Variants in MYO1H observed in about 807,000 individuals in gnomAD.
MYO1H encodes the protein myosin IH, also known as unconventional myosin-Ih.
A neutral mutation model predicts 149.3 loss-of-function variants in MYO1H; 118 were observed. The observed-to-expected ratio is 0.79, with a 90% CI of 0.68 to 0.92. The LOEUF is 0.92. MYO1H is among the 40% of genes least tolerant of loss of function. The probability of loss-of-function intolerance (pLI) is 0.00; values close to 1 mark genes in which losing one functional copy is unlikely to be tolerated. For missense variants in MYO1H, 1,212 were observed against 1,280.7 expected, an observed-to-expected ratio of 0.95 and a Z score of 0.82; for synonymous variants, 447 against 465.2, an observed-to-expected ratio of 0.96 and a Z score of 0.50.
chr12:109,396,319 G>A lies in MYO1H; in HGVS notation c.291-65G>A. 6 of 1,359,574 alleles carry A rather than the reference G, an allele frequency of 4.4e-6. No homozygotes were observed. The East Asian group carries it at 7.1e-5, about 16-fold the overall frequency. The allele number at this position is 1,359,574 out of a possible 1,614,324, so 84.2% of individuals were successfully genotyped here. On this transcript the variant is annotated intron_variant, in intron 3 of 31. Transcript: ENST00000310903. The stretch of plus-strand genomic sequence containing the variant: ...TGGAGCACCTCATTTTTCTTCTTTG[G>A]TGGGTGTCAGAGTCAAGGGAAGTAC...
chr12:109,337,208 G>GT, the MYO1H span, among the ~76,000 whole-genome samples: 3 of 152,066 alleles, frequency 2.0e-5, no homozygotes, highest in African/African-American at 2.4e-5. Context: ...TTCCAGAGAG[G>GT]TTTTTTTCCC....
At chr12:109,401,162 G>A in exon 6 of MYO1H, 1 of 1,613,906 alleles carries the variant, frequency 6.2e-7, no homozygotes, top group South Asian at 1.1e-5. Context: ...CCAAAACGAA[G>A]GCGAGCGGAA....
At chr12:109,376,861 T>C (rs1459752904) in intron 1 of MYO1H, among the ~76,000 whole-genome samples, 1 of 152,260 alleles carries the variant, frequency 6.6e-6, no homozygotes, top group African/African-American at 2.4e-5. Context: ...ATTGTGATAG[T>C]ATTGAATCTA....
Position 109,411,846 on chromosome 12 carries a change from T to C in MYO1H, c.1411-48T>C, listed in dbSNP as rs1427247070. The C allele has an allele frequency of 3.7e-6, 5 of 1,360,568 alleles. No individual in the cohort carries two copies. The South Asian group carries it at 5.1e-5, about 14-fold the overall frequency. 84.3% of individuals were successfully genotyped at this position (1,360,568 alleles called of 1,614,324 possible). A position where few individuals can be genotyped will look rare whatever the true frequency, so the allele number is the denominator to read the frequency against. The stretch of plus-strand genomic sequence containing the variant: ...TGGTGAAAGCATTTAAACTTGGCAT[T>C]GATGGAGTGTGGTGCTGTGGATTGA... On this transcript the variant is annotated intron_variant, in intron 13 of 31. Transcript: ENST00000310903.
At chr12:109,320,978 C>A in the MYO1H span, among the ~76,000 whole-genome samples, 1 of 149,436 alleles carries the variant, frequency 6.7e-6, no homozygotes, top group African/African-American at 2.5e-5. Flanking sequence ...ATCCCAGCTA[C>A]TTGGGAGGCT....
At chr12:109,367,266 A>G (rs990946226) in intron 1 of MYO1H, among the ~76,000 whole-genome samples, 3 of 152,228 alleles carry the variant, frequency 2.0e-5, no homozygotes, top group African/African-American at 7.2e-5. Context: ...ATACAAATGA[A>G]AGACAAAAAT....
chr12:109,442,707 A>G (rs978135546), intron 27 of MYO1H, among the ~76,000 whole-genome samples: 10 of 151,254 alleles, frequency 6.6e-5, no homozygotes, highest in African/African-American at 1.9e-4. Context: ...GAGAGGATGA[A>G]TGAGTCGGTG....
intron 1 of MYO1H, among the ~76,000 whole-genome samples, chr12:109,376,503 T>C (rs1273440125): frequency 6.6e-6 from 1 of 152,148 alleles, no homozygotes; most frequent in Admixed American, 6.6e-5. Flanking sequence ...AGGCATACAG[T>C]TTTTTTGCAC....
the MYO1H span, among the ~76,000 whole-genome samples, chr12:109,322,875 G>A: frequency 1.3e-5 from 2 of 148,994 alleles, no homozygotes; most frequent in East Asian, 2.0e-4. Context: ...TTAGGAGGCC[G>A]AGGCAGGCAG....
At chr12:109,406,848 C>T (rs754554414) in exon 9 of MYO1H, 1 of 1,613,762 alleles carries the variant, frequency 6.2e-7, no homozygotes, top group Admixed American at 1.7e-5. Flanking sequence ...AAATTGAAGC[C>T]AAAACTGAGG....
chr12:109,436,510 C>T (rs373787408), exon 22 of MYO1H: 4 of 1,611,180 alleles, frequency 2.5e-6, no homozygotes, highest in African/African-American at 1.3e-5. Flanking sequence ...AAGCCACTTA[C>T]AAACGCTGCC....
chr12:109,340,233 T>C, the MYO1H span, among the ~76,000 whole-genome samples: 5 of 152,146 alleles, frequency 3.3e-5, no homozygotes, highest in African/African-American at 4.8e-5. Flanking sequence ...TGGAGTGCAG[T>C]GAGTGGCATG....
At chr12:109,388,787 C>A in exon 2 of MYO1H, 1 of 1,613,080 alleles carries the variant, frequency 6.2e-7, no homozygotes, top group Non-Finnish European at 8.5e-7. Flanking sequence ...ACGCGTACAC[C>A]AGCGAATCTG....
chr12:109,439,653 C>G, exon 24 of MYO1H: 2 of 1,612,702 alleles, frequency 1.2e-6, no homozygotes, highest in Non-Finnish European at 1.7e-6. Context: ...ATTCATCAGT[C>G]GCAACAAACC....
At chr12:109,426,136 A>T (rs1871344776) in intron 18 of MYO1H, 85 bp downstream of exon 18, 2 of 869,146 alleles carry the variant, frequency 2.3e-6, no homozygotes, top group Non-Finnish European at 3.9e-6. Context: ...GATCCTAAAC[A>T]CCACCACAAG....
At chr12:109,369,353 A>T (rs1443776683) in intron 1 of MYO1H, among the ~76,000 whole-genome samples, 7 of 152,256 alleles carry the variant, frequency 4.6e-5, no homozygotes. Context: ...AAAATACAGC[A>T]TGCTGCATCT....
chr12:109,426,273 C>T (rs1871349713), intron 18 of MYO1H, among the ~76,000 whole-genome samples: 1 of 152,186 alleles, frequency 6.6e-6, no homozygotes, highest in Non-Finnish European at 1.5e-5. Flanking sequence ...CACTTGAACC[C>T]AGGAATTGGA....
rs566179393 is a variant in MYO1H, at chr12:109,393,260, T to C, written c.175-71T>C. 9.8e-6 allele frequency: 9 copies of C among 915,120 alleles called. No homozygotes were observed. In the East Asian group the frequency reaches 2.1e-4, roughly 21 times the overall value. 56.7% of individuals were successfully genotyped at this position (915,120 alleles called of 1,614,324 possible). Reference sequence around the variant, plus strand: ...AAATCCTCCATGTGGAATGAACACATGGGGATCATCATGTGTGACAGTCTT... The same window carrying C: ...AAATCCTCCATGTGGAATGAACACACGGGGATCATCATGTGTGACAGTCTT... On this transcript the variant is annotated intron_variant, in intron 2 of 31. Transcript: ENST00000310903.
intron 15 of MYO1H, among the ~76,000 whole-genome samples, chr12:109,416,695 A>T (rs547899272): frequency 7.9e-4 from 120 of 152,206 alleles, no homozygotes; most frequent in Non-Finnish European, 7.6e-4. Flanking sequence ...ATTAGATTAG[A>T]TATGGTAACT....
Sources: allele counts gnomAD v4.1 joint callset (sites outside exome capture counted in the v4.1 genomes callset), GRCh38; gene constraint gnomAD v4.1.1; transcripts MANE v1.5; gene names NCBI Gene and HGNC (gene_info 2026-07-23, HGNC 2026-07-21).